The following DPY19L1 variants were observed in gnomAD, a reference collection of about 807,000 sequenced individuals.
DPY19L1 encodes the protein protein C-mannosyl-transferase DPY19L1.
In DPY19L1, 35 loss-of-function variants were observed where a neutral mutation model predicts 96.9. The observed-to-expected ratio is 0.36, with a 90% CI of 0.28 to 0.48. The LOEUF is 0.48. Among genes scored for constraint, DPY19L1 ranks in the 20% least tolerant of loss-of-function variants. The probability of loss-of-function intolerance (pLI) is 0.99; values close to 1 mark genes in which losing one functional copy is unlikely to be tolerated. For missense variants in DPY19L1, 521 were observed against 777.9 expected, an observed-to-expected ratio of 0.67 and a Z score of 3.93; for synonymous variants, 205 against 252.6, an observed-to-expected ratio of 0.81 and a Z score of 1.79.
At chr7:35,006,821 C>A (rs1340216300) in intron 6 of DPY19L1, among the ~76,000 whole-genome samples, 4 of 152,246 alleles carry the variant, frequency 2.6e-5, no homozygotes, top group Non-Finnish European at 5.9e-5. Context: ...GACTGGCTTA[C>A]CTGGCTTCTA....
chr7:34,987,422 C>T (rs748766005), intron 7 of DPY19L1, among the ~76,000 whole-genome samples: 25 of 152,036 alleles, frequency 1.6e-4, no homozygotes, highest in Non-Finnish European at 2.8e-4. Flanking sequence ...TCATGCTACA[C>T]ATTTTATAAA....
At chr7:34,991,757 C>CT (rs1785173308) in intron 6 of DPY19L1, among the ~76,000 whole-genome samples, 1 of 152,218 alleles carries the variant, frequency 6.6e-6, no homozygotes, top group African/African-American at 2.4e-5. Context: ...ATCTCTCTCT[C>CT]TAACCACACA....
At chr7:34,948,821 AC>A in intron 14 of DPY19L1, among the ~76,000 whole-genome samples, 1 of 152,338 alleles carries the variant, frequency 6.6e-6, no homozygotes, top group South Asian at 2.1e-4. Flanking sequence ...GTGTGTCAAA[AC>A]CATTTGCCGG....
At position 34,966,884 on chromosome 7, in the gene DPY19L1, A is replaced by C. The variant is rs1451612078; in HGVS notation, c.1092+10T>G. On this transcript the variant is annotated intron_variant, in intron 10 of 21. Coordinates refer to ENST00000638088, the MANE Select transcript of DPY19L1 (RefSeq NM_001366673.1). ...AAACTAAATGGAAAAGAACAATAAA[A>C]AATTATTACCATGTGTATATAAATG... 1 of 1,517,906 alleles carries C rather than the reference A, an allele frequency of 6.6e-7. No homozygotes were observed. The highest frequency in any genetic ancestry group is 1.3e-5 in the South Asian group (1 of 78,320). 94.0% of individuals were successfully genotyped at this position (1,517,906 alleles called of 1,614,324 possible).
At chr7:34,956,664 C>T (rs961093723) in intron 11 of DPY19L1, among the ~76,000 whole-genome samples, 34 of 151,950 alleles carry the variant, frequency 2.2e-4, no homozygotes, top group South Asian at 2.1e-3. Flanking sequence ...CCACCATGCC[C>T]GGCTAATTTT....
At chr7:34,993,587 C>T (rs1763189152) in intron 6 of DPY19L1, among the ~76,000 whole-genome samples, 1 of 152,000 alleles carries the variant, frequency 6.6e-6, no homozygotes, top group South Asian at 2.1e-4. Context: ...CATATAACAT[C>T]TGAACCAGTC....
Position 34,931,456 on chromosome 7 carries a change from T to A in DPY19L1, c.*117A>T. The A allele has an allele frequency of 4.6e-6, 6 of 1,295,058 alleles. No homozygotes were observed. Among genetic ancestry groups the A allele is most frequent in the Non-Finnish European group, 6.1e-6 (6 of 990,606 alleles). 80.2% of individuals were successfully genotyped at this position (1,295,058 alleles called of 1,614,324 possible). ...CATTCAAATTGACCAAATAAAACGTTTTCTATTTGAAAACAGTTACCTATA... is the reference window on the plus strand; with the variant it reads ...CATTCAAATTGACCAAATAAAACGTATTCTATTTGAAAACAGTTACCTATA... On this transcript the variant is annotated 3_prime_UTR_variant, in exon 22 of 22. Coordinates refer to ENST00000638088, the MANE Select transcript of DPY19L1 (RefSeq NM_001366673.1).
At chr7:35,010,888 G>C (rs1785695088) in intron 5 of DPY19L1, among the ~76,000 whole-genome samples, 1 of 152,150 alleles carries the variant, frequency 6.6e-6, no homozygotes, top group Non-Finnish European at 1.5e-5. Context: ...TGACTTCTGA[G>C]GCTAGGTCAT....
Position 34,941,762 on chromosome 7 carries a change from T to C in DPY19L1, c.1689+3A>G. On this transcript the variant is annotated splice_donor_region_variant and intron_variant, in intron 18 of 21. Coordinates refer to ENST00000638088, the MANE Select transcript of DPY19L1 (RefSeq NM_001366673.1). ...GTAGCTATACTCCAACATAACATGT[T>C]ACCTGTCTTGAGCAGATCAGTGATG... 6.3e-7 allele frequency: 1 copy of C among 1,598,072 alleles called. No individual in the cohort carries two copies. The highest frequency in any genetic ancestry group is 8.5e-7 in the Non-Finnish European group (1 of 1,176,238).
chr7:35,026,879 G>A (rs549524350), intron 1 of DPY19L1, among the ~76,000 whole-genome samples: 1 of 152,184 alleles, frequency 6.6e-6, no homozygotes. Flanking sequence ...CAGCCTCTCA[G>A]AGTCTCATTT....
chr7:35,030,156 G>A (rs1378179996), intron 1 of DPY19L1, among the ~76,000 whole-genome samples: 1 of 152,144 alleles, frequency 6.6e-6, no homozygotes, highest in African/African-American at 2.4e-5. Flanking sequence ...ATGAAAACCC[G>A]CAGAAAAAGA....
intron 1 of DPY19L1, among the ~76,000 whole-genome samples, chr7:35,023,032 C>T (rs187174502): frequency 1.1e-4 from 17 of 152,328 alleles, no homozygotes; most frequent in African/African-American, 4.1e-4. Context: ...TCGTTCTTCC[C>T]AGCATATCTA....
intron 1 of DPY19L1, among the ~76,000 whole-genome samples, chr7:35,028,658 A>G (rs1299843211): frequency 6.6e-6 from 1 of 152,246 alleles, no homozygotes; most frequent in African/African-American, 2.4e-5. Flanking sequence ...AAGCAAGTTC[A>G]TTCAGTAAAG....
chr7:34,969,279 TCTAAAAAATGTTTTAGAAAAACATTTTTC>T (rs1399147359), intron 9 of DPY19L1, among the ~76,000 whole-genome samples, 125 bp downstream of exon 9: 3 of 152,088 alleles, frequency 2.0e-5, no homozygotes, highest in Non-Finnish European at 2.9e-5. Context: ...GTTCAATATT[TCTAAAAAATGTTTTAGAAAAACATTTTTC>T]CTAGAAAATG....
At chr7:34,954,635 A>G in intron 13 of DPY19L1, 63 bp downstream of exon 13, 1 of 949,330 alleles carries the variant, frequency 1.1e-6, no homozygotes, top group Non-Finnish European at 1.6e-6. Flanking sequence ...GAATAACTCA[A>G]TTTATTCTTA....
In DPY19L1 at chr7:34,938,061, G is replaced by A. The variant is rs1412941971; in HGVS notation, c.2023C>T (p.Arg675Ter). The change falls in exon 21 of 22, where the codon CGA becomes TGA. Residue 675 changes from arginine to a stop codon, truncating the protein, a stop_gained. Transcript: ENST00000638088. LOFTEE classifies it high-confidence loss of function. Reference sequence around the variant, plus strand: ...TTCACTTTTAACTTTATCAGTTCTCGCTTCACTTCTTCGGCTGCTTTCCGA... The same window carrying A: ...TTCACTTTTAACTTTATCAGTTCTCACTTCACTTCTTCGGCTGCTTTCCGA... ...YSRKAAEEVK[R>*]ELIKLKVNYY... is the part of the protein sequence containing the mutation. 1.2e-6 allele frequency: 2 copies of A among 1,613,784 alleles called. No individual in the cohort carries two copies. Among genetic ancestry groups the A allele is most frequent in the Admixed American group, 3.3e-5 (2 of 60,000 alleles).
chr7:34,958,166 A>C, intron 10 of DPY19L1, 96 bp from the exon 11 acceptor site: 2 of 761,348 alleles, frequency 2.6e-6, no homozygotes, highest in Non-Finnish European at 4.0e-6. Flanking sequence ...AATAAACAAA[A>C]TTCAAACTGT....
chr7:34,941,954 T>C (rs1425338466), intron 17 of DPY19L1, 70 bp from the exon 18 acceptor site: 1 of 1,490,544 alleles, frequency 6.7e-7, no homozygotes. Context: ...ACTGGCAATA[T>C]GCAGAAAGGG....
chr7:34,968,802 C>T (rs1453780221), intron 9 of DPY19L1, among the ~76,000 whole-genome samples: 1 of 129,358 alleles, frequency 7.7e-6, no homozygotes, highest in Non-Finnish European at 1.6e-5. Context: ...AAAAGCAACT[C>T]TTCAACTGCT....
Sources: allele counts gnomAD v4.1 joint callset (sites outside exome capture counted in the v4.1 genomes callset), GRCh38; gene constraint gnomAD v4.1.1; transcripts MANE v1.5; gene names NCBI Gene and HGNC (gene_info 2026-07-23, HGNC 2026-07-21).